The following FHOD3 variants were observed in gnomAD, a reference collection of about 807,000 sequenced individuals.
FHOD3 encodes the protein FH1/FH2 domain-containing protein 3.
FHOD3 carries 90 observed loss-of-function variants against 173.0 expected under a neutral mutation model. The ratio of observed to expected loss-of-function variants is 0.52; its 90% confidence interval spans 0.44 to 0.62. The LOEUF (loss-of-function observed/expected upper bound fraction) is 0.62, where lower values mean the gene tolerates loss of function less well. Ranked by LOEUF, FHOD3 falls within the 20% of genes least tolerant of loss-of-function variation. The pLI is 0.00. For missense variants in FHOD3, 1,945 were observed against 2,034.7 expected (o/e 0.96, Z 0.85); for synonymous variants, 828 against 823.0 (o/e 1.01, Z -0.10).
At chr18:36,621,174 T>C (rs1214930261) in intron 9 of FHOD3, among the ~76,000 whole-genome samples, 1 of 152,254 alleles carries the variant, frequency 6.6e-6, no homozygotes, top group Non-Finnish European at 1.5e-5. Context: ...TTACGTGTTC[T>C]AACTTTAGAT....
chr18:36,532,183 C>T (rs567677234), intron 5 of FHOD3, among the ~76,000 whole-genome samples: 17 of 152,222 alleles, frequency 1.1e-4, no homozygotes, highest in Non-Finnish European at 1.8e-4. Flanking sequence ...TTTGGAACAT[C>T]AGCAAGGCTC....
intron 1 of FHOD3, among the ~76,000 whole-genome samples, chr18:36,315,436 C>T (rs933847269): frequency 7.9e-5 from 12 of 152,100 alleles, no homozygotes; most frequent in Non-Finnish European, 1.3e-4. Context: ...ATGACACCCT[C>T]ACCCCGAGAC....
intron 2 of FHOD3, 43 bp from the exon 3 acceptor site, chr18:36,372,637 G>A (rs1162259200): frequency 1.3e-6 from 2 of 1,571,178 alleles, no homozygotes; most frequent in African/African-American, 2.7e-5. Flanking sequence ...AGGTGTCTCT[G>A]CTGACTCCTC....
At chr18:36,436,251 T>G (rs1012009647) in intron 3 of FHOD3, among the ~76,000 whole-genome samples, 6 of 152,204 alleles carry the variant, frequency 3.9e-5, no homozygotes, top group African/African-American at 1.4e-4. Context: ...ACCAGCTTGT[T>G]CTCAATTCCT....
intron 1 of FHOD3, among the ~76,000 whole-genome samples, chr18:36,310,410 G>A (rs1598655379): frequency 6.6e-6 from 1 of 152,146 alleles, no homozygotes; most frequent in African/African-American, 2.4e-5. Context: ...TTGGGGCCGG[G>A]TGCAGTGGCT....
At position 36,354,026 on chromosome 18, in the gene FHOD3, C is replaced by T. The variant is rs146733687; in HGVS notation, c.166-1513C>T. Among the ~76,000 whole-genome samples the T allele has an allele frequency of 2.3e-3, 349 of 152,310 alleles. 3 individuals carry two copies. Among genetic ancestry groups the T allele is most frequent in the African/African-American group, 8.0e-3 (334 of 41,568 alleles). On this transcript the variant is annotated intron_variant, in intron 1 of 28. Coordinates refer to ENST00000590592, the MANE Select transcript of FHOD3 (RefSeq NM_001281740.3). ...GGCCAAGCCTGTTGGGGGCCTTCTT[C>T]ACTTTCACCCACATTCTGCTGATCA...
At chr18:36,329,842 A>G (rs748318148) in intron 1 of FHOD3, among the ~76,000 whole-genome samples, 44 of 152,314 alleles carry the variant, frequency 2.9e-4, no homozygotes, top group Non-Finnish European at 5.7e-4. Flanking sequence ...CCAGGTTACC[A>G]TTGGGCCCGT....
At chr18:36,464,026 A>G (rs1229855094) in intron 3 of FHOD3, among the ~76,000 whole-genome samples, 3 of 152,220 alleles carry the variant, frequency 2.0e-5, no homozygotes, top group Non-Finnish European at 2.9e-5. Flanking sequence ...TAATAGAACA[A>G]GTAGTTTTTG....
chr18:36,473,503 C>G (rs1419535730), intron 3 of FHOD3, among the ~76,000 whole-genome samples: 1 of 152,228 alleles, frequency 6.6e-6, no homozygotes, highest in East Asian at 1.9e-4. Context: ...GATGAGTTAA[C>G]TCATTGAAGT....
At chr18:36,696,636 C>G (rs1375952300) in intron 17 of FHOD3, among the ~76,000 whole-genome samples, 1 of 152,138 alleles carries the variant, frequency 6.6e-6, no homozygotes, top group African/African-American at 2.4e-5. Flanking sequence ...ATGAATGATG[C>G]CCCTAATCCC....
intron 5 of FHOD3, among the ~76,000 whole-genome samples, chr18:36,571,176 T>C (rs997547093): frequency 2.6e-5 from 4 of 152,196 alleles, no homozygotes; most frequent in African/African-American, 9.6e-5. Flanking sequence ...AACAAAGTTA[T>C]AGGATATAAG....
chr18:36,644,801 C>G (rs2149027164), intron 10 of FHOD3, among the ~76,000 whole-genome samples: 1 of 152,234 alleles, frequency 6.6e-6, no homozygotes, highest in Middle Eastern at 3.4e-3. Flanking sequence ...AAAGTGGGGT[C>G]CAAGGTCACA....
At chr18:36,577,219 C>T (rs951262552) in intron 6 of FHOD3, among the ~76,000 whole-genome samples, 28 of 152,096 alleles carry the variant, frequency 1.8e-4, no homozygotes, top group African/African-American at 3.4e-4. Flanking sequence ...ATAAAGAATC[C>T]GAGATTACCT....
At chr18:36,720,042 C>T (rs540401090) in intron 19 of FHOD3, among the ~76,000 whole-genome samples, 108 of 152,140 alleles carry the variant, frequency 7.1e-4, no homozygotes, top group African/African-American at 2.5e-3. Context: ...AAATCTACAC[C>T]GTTAGGATCC....
intron 3 of FHOD3, among the ~76,000 whole-genome samples, chr18:36,454,331 GCACACATGAGCGCACACAGAAGCA>G (rs1181031513): frequency 6.6e-6 from 1 of 152,006 alleles, no homozygotes; most frequent in African/African-American, 2.4e-5. Flanking sequence ...ATGGGGTTGT[GCACACATGAGCGCACACAGAAGCA>G]CACACATGAG....
At chr18:36,371,215 G>C (rs1226939576) in intron 2 of FHOD3, among the ~76,000 whole-genome samples, 1 of 152,210 alleles carries the variant, frequency 6.6e-6, no homozygotes, top group Admixed American at 6.5e-5. Flanking sequence ...GCTACTGCAT[G>C]CTTTGCAATT....
chr18:36,630,013 A>G (rs2034396348), intron 10 of FHOD3, among the ~76,000 whole-genome samples: 1 of 152,034 alleles, frequency 6.6e-6, no homozygotes, highest in South Asian at 2.1e-4. Context: ...ATCTGTTTTA[A>G]AATGTCAGTA....
chr18:36,512,583 A>AG (rs755740367), intron 5 of FHOD3, 40 bp downstream of exon 5: 28 of 1,429,606 alleles, frequency 2.0e-5, no homozygotes, highest in South Asian at 3.4e-5. Context: ...CCCCAGCTGC[A>AG]GGGGGGATCT....
At chr18:36,434,597 T>A (rs1468194309) in intron 3 of FHOD3, among the ~76,000 whole-genome samples, 1 of 152,178 alleles carries the variant, frequency 6.6e-6, no homozygotes, top group East Asian at 1.9e-4. Flanking sequence ...ATTTAAAAAA[T>A]CTGGGATTTT....
Sources: gnomAD v4.1 joint callset for allele counts (sites outside exome capture counted in the v4.1 genomes callset) on GRCh38, gnomAD v4.1.1 for gene constraint, MANE v1.5 for transcripts, NCBI Gene and HGNC (gene_info 2026-07-23, HGNC 2026-07-21) for gene names.